CHD7: variants seen among roughly 807,000 people sequenced by gnomAD.
The protein encoded by CHD7 is chromodomain helicase DNA binding protein 7, also known as ATP-dependent chromatin remodeler CHD7.
Under a neutral mutation model 307.3 loss-of-function variants are expected in CHD7, and 24 were observed. The ratio of observed to expected loss-of-function variants is 0.08; its 90% CI spans 0.06 to 0.11. CHD7 has a LOEUF of 0.11. Among genes scored for constraint, CHD7 ranks in the 10% least tolerant of loss-of-function variants. The probability of loss-of-function intolerance (pLI) is 1.00; values close to 1 mark genes in which losing one functional copy is unlikely to be tolerated. For missense variants in CHD7, 3,106 were observed against 3,727.1 expected, an observed-to-expected ratio of 0.83 and a Z score of 4.34; for synonymous variants, 1,363 against 1,349.9, an observed-to-expected ratio of 1.01 and a Z score of -0.21.
In CHD7 at chr8:60,743,206, T is replaced by C. The variant is rs370390716; in HGVS notation, c.1665+109T>C. The C allele has an allele frequency of 5.4e-5, 49 of 912,292 alleles. No homozygotes were observed. In the African/African-American group the frequency reaches 7.4e-4, roughly 14 times the overall value. The allele number at this position is 912,292 out of a possible 1,614,324, so 56.5% of individuals were successfully genotyped here. A position where few individuals can be genotyped will look rare whatever the true frequency, so the allele number is the denominator to read the frequency against. ...CTATGAAAAGCTTTTTCATTATGAGTGCCTTAATTTTTATTTGTTATTGGC... is the reference window on the plus strand; with the variant it reads ...CTATGAAAAGCTTTTTCATTATGAGCGCCTTAATTTTTATTTGTTATTGGC... On this transcript the variant is annotated intron_variant, in intron 2 of 37. Transcript: ENST00000423902.
At chr8:60,693,424 C>G (rs1806301659) in intron 1 of CHD7, among the ~76,000 whole-genome samples, 1 of 152,244 alleles carries the variant, frequency 6.6e-6, no homozygotes, top group Non-Finnish European at 1.5e-5. Context: ...GAGGGTCCCC[C>G]CTCCAGCTCT....
intron 37 of CHD7, chr8:60,864,312 G>A (rs1416377572): frequency 6.6e-6 from 1 of 151,396 alleles, no homozygotes; most frequent in Non-Finnish European, 1.5e-5. Flanking sequence ...TAGAGATAGG[G>A]TCTTGCTATG....
At chr8:60,826,398 C>G (rs1804255335) in intron 13 of CHD7, among the ~76,000 whole-genome samples, 1 of 152,242 alleles carries the variant, frequency 6.6e-6, no homozygotes, top group Non-Finnish European at 1.5e-5. Flanking sequence ...CAATTCTGAA[C>G]AGCTCGTTGT....
intron 3 of CHD7, among the ~76,000 whole-genome samples, chr8:60,785,066 T>A (rs1243372986): frequency 6.6e-6 from 1 of 152,218 alleles, no homozygotes; most frequent in Admixed American, 6.5e-5. Flanking sequence ...TTCATGGAGC[T>A]GGAATATGAG....
At chr8:60,715,049 G>C (rs1407313197) in intron 1 of CHD7, among the ~76,000 whole-genome samples, 1 of 152,234 alleles carries the variant, frequency 6.6e-6, no homozygotes, top group Non-Finnish European at 1.5e-5. Flanking sequence ...TGGTGGGATT[G>C]CTCAATGCAT....
chr8:60,863,379 G>C (rs184890032), intron 37 of CHD7: 1 of 152,206 alleles, frequency 6.6e-6, no homozygotes, highest in East Asian at 1.9e-4. Flanking sequence ...GAAGGTCATC[G>C]ATGGTCACAT....
intron 1 of CHD7, among the ~76,000 whole-genome samples, chr8:60,682,684 G>T (rs1483426656): frequency 6.6e-6 from 1 of 152,176 alleles, no homozygotes; most frequent in Non-Finnish European, 1.5e-5. Context: ...ATAGAGAGCA[G>T]TTCTATAGGT....
intron 1 of CHD7, among the ~76,000 whole-genome samples, chr8:60,730,133 G>A (rs1737766416): frequency 4.6e-5 from 7 of 152,194 alleles, no homozygotes; most frequent in Admixed American, 3.3e-4. Context: ...TTTAAAAAAA[G>A]CAAATGTAAC....
At chr8:60,716,733 G>A (rs1807621931) in intron 1 of CHD7, among the ~76,000 whole-genome samples, 2 of 152,148 alleles carry the variant, frequency 1.3e-5, no homozygotes, top group Admixed American at 6.5e-5. Context: ...TGAAGGAATC[G>A]TTGTCCATAA....
intron 2 of CHD7, among the ~76,000 whole-genome samples, chr8:60,773,567 C>T (rs1810812711): frequency 6.6e-6 from 1 of 152,180 alleles, no homozygotes; most frequent in African/African-American, 2.4e-5. Flanking sequence ...GTGACTTCAT[C>T]TGGTACTTTT....
chr8:60,698,950 C>T (rs1299939712), intron 1 of CHD7, among the ~76,000 whole-genome samples: 1 of 152,120 alleles, frequency 6.6e-6, no homozygotes, highest in East Asian at 1.9e-4. Context: ...CCATGCCTGG[C>T]TAGTTTGTAT....
chr8:60,852,393 C>G, intron 29 of CHD7, 105 bp from the exon 30 acceptor site: 1 of 1,315,444 alleles, frequency 7.6e-7, no homozygotes, highest in East Asian at 2.4e-5. Context: ...TTCCCCACCC[C>G]CAAATAACTA....
chr8:60,816,540 T>C, intron 8 of CHD7, 39 bp downstream of exon 8: 1 of 1,160,158 alleles, frequency 8.6e-7, no homozygotes, highest in Non-Finnish European at 1.2e-6. Flanking sequence ...GTATTTACTT[T>C]GTTAAAATGT....
chr8:60,865,614 C>T lies in CHD7; in HGVS notation c.8675C>T (p.Pro2892Leu). The change falls in exon 38 of 38, where the codon CCT (proline) becomes CTT (leucine). Residue 2892 changes from proline to leucine, a missense_variant. Transcript: ENST00000423902. This position sits in a 1 kb window ranked among gnomAD's most constrained non-coding sequence, Gnocchi z 4.3. The part of the protein sequence containing the change: ...GLPSNPLAFN[P>L]FLLSTMAPGL... ...CCCTCAAACCCGCTAGCCTTCAACC[C>T]TTTCCTCCTGTCCACAATGGCCCCG... 1 of 1,613,710 alleles carries T rather than the reference C, an allele frequency of 6.2e-7. No individual in the cohort carries two copies. The highest frequency in any genetic ancestry group is 8.5e-7 in the Non-Finnish European group (1 of 1,179,626).
chr8:60,751,209 C>T (rs1809624600), intron 2 of CHD7, among the ~76,000 whole-genome samples: 1 of 152,168 alleles, frequency 6.6e-6, no homozygotes, highest in African/African-American at 2.4e-5. Flanking sequence ...AGCTTTTTGC[C>T]TGTCTCTAAT....
Position 60,742,253 on chromosome 8 carries a change from G to C in CHD7, c.821G>C (p.Arg274Thr). 6.2e-7 allele frequency: 1 copy of C among 1,613,788 alleles called. No individual in the cohort carries two copies. Among genetic ancestry groups the C allele is most frequent in the Non-Finnish European group, 8.5e-7 (1 of 1,179,872 alleles). Reference sequence around the variant, plus strand: ...GGAGAATCCGTTGCCCACAGTCCCAGATTCTCCCCGAATCCTCCCCAACAA... The same window carrying C: ...GGAGAATCCGTTGCCCACAGTCCCACATTCTCCCCGAATCCTCCCCAACAA... ...LHGESVAHSP[R>T]FSPNPPQQGA... The change falls in exon 2 of 38, where the codon AGA (arginine) becomes ACA (threonine). Residue 274 changes from arginine (R) to threonine (T), a missense_variant. Around this residue, in one of 10 missense-constraint regions of CHD7, gnomAD observed 998 missense variants for 1,004.5 expected, o/e 0.99. Coordinates refer to ENST00000423902, the MANE Select transcript of CHD7 (RefSeq NM_017780.4).
intron 1 of CHD7, among the ~76,000 whole-genome samples, chr8:60,732,365 G>A (rs1808496357): frequency 6.6e-6 from 1 of 152,212 alleles, no homozygotes; most frequent in Non-Finnish European, 1.5e-5. Context: ...CTAGCTGTTT[G>A]CTGCTTTCTC....
chr8:60,792,305 T>C (rs1158478237), intron 3 of CHD7, among the ~76,000 whole-genome samples: 1 of 152,226 alleles, frequency 6.6e-6, no homozygotes, highest in Non-Finnish European at 1.5e-5. Context: ...TCAATTAGCT[T>C]ATTGCAGAAT....
At chr8:60,706,519 T>C (rs1807029138) in intron 1 of CHD7, among the ~76,000 whole-genome samples, 1 of 152,216 alleles carries the variant, frequency 6.6e-6, no homozygotes, top group Admixed American at 6.5e-5. Context: ...CTACTTGTTA[T>C]ATAATTACGT....
Sources: allele counts gnomAD v4.1 joint callset (sites outside exome capture counted in the v4.1 genomes callset), GRCh38; gene constraint gnomAD v4.1.1; regional missense constraint gnomAD v4.1.1; non-coding constraint Gnocchi (gnomAD v3.1); transcripts MANE v1.5; gene names NCBI Gene and HGNC (gene_info 2026-07-23, HGNC 2026-07-21).